The following ZNF254 variants were observed in gnomAD, a reference collection of about 807,000 sequenced individuals.
The protein encoded by ZNF254 is zinc finger protein 254, also known as CTD-2017D11.1.
Under a neutral mutation model 12.4 loss-of-function variants are expected in ZNF254, and 10 were observed. The observed-to-expected ratio is 0.80, with a 90% CI of 0.50 to 1.36. The LOEUF (loss-of-function observed/expected upper bound fraction) is 1.36, where lower values mean the gene tolerates loss of function less well. Among genes scored for constraint, ZNF254 ranks in the 40% most tolerant of loss-of-function variants. The pLI, the probability that ZNF254 is intolerant of heterozygous loss-of-function variation, is 0.00. For synonymous variants in ZNF254, 305 were observed against 253.4 expected (o/e 1.20, Z -1.93); for missense variants, 996 against 763.9 (o/e 1.30, Z -3.58).
At chr19:24,059,628 A>G (rs2145393536) in intron 2 of ZNF254, among the ~76,000 whole-genome samples, 1 of 10,824 alleles carries the variant, frequency 9.2e-5, no homozygotes, top group Non-Finnish European at 1.7e-4. Context: ...TGCATACATT[A>G]TGTATTTTGG....
chr19:24,078,423 AT>A (rs1265146539), intron 2 of ZNF254: 1 of 152,226 alleles, frequency 6.6e-6, no homozygotes, highest in African/African-American at 2.4e-5. Context: ...TAGCTTATGC[AT>A]TTAAATATGA....
chr19:24,063,435 G>T (rs948351346), intron 2 of ZNF254, among the ~76,000 whole-genome samples: 3 of 152,200 alleles, frequency 2.0e-5, no homozygotes, highest in Admixed American at 2.0e-4. Context: ...CACCCAGGTG[G>T]TGTGAGTCGG....
intron 3 of ZNF254, among the ~76,000 whole-genome samples, chr19:24,119,873 T>G (rs1374073744): frequency 6.6e-6 from 1 of 152,104 alleles, no homozygotes; most frequent in Non-Finnish European, 1.5e-5. Context: ...GGTATGTTTT[T>G]TCTTATTTAC....
intron 1 of ZNF254, chr19:24,091,887 T>TC (rs1972406235): frequency 1.0e-6 from 1 of 975,284 alleles, no homozygotes; most frequent in African/African-American, 1.8e-5. Context: ...ATTAATTTTT[T>TC]TTTTTTTTTT....
At chr19:24,104,853 G>A (rs1167004851) in intron 1 of ZNF254, 1 of 152,060 alleles carries the variant, frequency 6.6e-6, no homozygotes, top group Non-Finnish European at 1.5e-5. Flanking sequence ...ACACAATTAA[G>A]AAAATACTCA....
At chr19:24,034,706 A>C (rs1265262280) in intron 1 of ZNF254, among the ~76,000 whole-genome samples, 1 of 151,810 alleles carries the variant, frequency 6.6e-6, no homozygotes, top group African/African-American at 2.4e-5. Flanking sequence ...CCAACTCTGG[A>C]CAAGAGGTAA....
At chr19:24,115,060 C>A (rs1973947308) in intron 3 of ZNF254, among the ~76,000 whole-genome samples, 1 of 152,336 alleles carries the variant, frequency 6.6e-6, no homozygotes, top group East Asian at 1.9e-4. Flanking sequence ...AATAGGAACA[C>A]TTTTACACTG....
intron 1 of ZNF254, chr19:24,091,781 C>T (rs1235856707): frequency 1.1e-6 from 1 of 941,104 alleles, no homozygotes; most frequent in Non-Finnish European, 1.3e-6. Context: ...GTGTGAGCCA[C>T]TGCGCCCAGC....
intron 3 of ZNF254, among the ~76,000 whole-genome samples, chr19:24,124,291 T>C (rs1240265002): frequency 2.6e-5 from 4 of 152,160 alleles, no homozygotes; most frequent in South Asian, 4.1e-4. Context: ...ATTATATCTT[T>C]TTATATTGTA....
intron 3 of ZNF254, among the ~76,000 whole-genome samples, chr19:24,112,623 CAT>C: frequency 6.6e-6 from 1 of 151,548 alleles, no homozygotes; most frequent in South Asian, 2.1e-4. Flanking sequence ...TCTTTTATTT[CAT>C]TGAGCAGTGG....
intron 1 of ZNF254, among the ~76,000 whole-genome samples, chr19:24,040,793 TA>T (rs578147972): frequency 4.7e-4 from 72 of 152,350 alleles, no homozygotes; most frequent in Non-Finnish European, 7.8e-4. Context: ...CTGTAAACTT[TA>T]AAAAGCTGGC....
chr19:24,120,834 G>GT (rs532090943), intron 3 of ZNF254, among the ~76,000 whole-genome samples: 408 of 151,238 alleles, frequency 2.7e-3, no homozygotes, highest in Middle Eastern at 0.014. Context: ...GGCTAATTTT[G>GT]TTTTTTTTGT....
intron 1 of ZNF254, among the ~76,000 whole-genome samples, chr19:24,090,966 T>C (rs1972339978): frequency 6.9e-6 from 1 of 145,374 alleles, no homozygotes; most frequent in Non-Finnish European, 1.5e-5. Flanking sequence ...TTTTTTTTTT[T>C]GAGACAGAGT....
At chr19:24,094,176 T>C (rs1333988519) in intron 1 of ZNF254, among the ~76,000 whole-genome samples, 5 of 152,216 alleles carry the variant, frequency 3.3e-5, no homozygotes, top group Admixed American at 3.3e-4. Flanking sequence ...CTATGAAGAC[T>C]ATATGGTTTT....
intron 1 of ZNF254, among the ~76,000 whole-genome samples, chr19:24,093,440 G>A (rs1346728177): frequency 6.6e-6 from 1 of 152,060 alleles, no homozygotes; most frequent in Non-Finnish European, 1.5e-5. Flanking sequence ...AAACATTTCA[G>A]TCTTTAATCT....
In ZNF254 at chr19:24,127,897, G is replaced by GA. The variant is rs778717771; in HGVS notation, c.1902dup (p.Phe635IlefsTer6). Reference sequence around the variant, plus strand: ...TACTGGAGAGCAACCCTACAAATGGGAAAAATTTGGCAAAGCCTTTAATCG... The same window carrying GA: ...TACTGGAGAGCAACCCTACAAATGGGAAAAAATTTGGCAAAGCCTTTAATCG... On this transcript the variant is annotated frameshift_variant, in exon 4 of 4. Transcript: ENST00000357002. LOFTEE classifies it low-confidence loss of function (END_TRUNC). 6.2e-6 allele frequency: 10 copies of GA among 1,611,826 alleles called. No homozygotes were observed. The South Asian group carries it at 1.1e-4, about 18-fold the overall frequency.
At chr19:24,100,240 A>T (rs539102640) in intron 1 of ZNF254, among the ~76,000 whole-genome samples, 20 of 151,872 alleles carry the variant, frequency 1.3e-4, no homozygotes, top group African/African-American at 4.8e-4. Flanking sequence ...AACAGTGTGC[A>T]TTGAGTAGAC....
intron 1 of ZNF254, among the ~76,000 whole-genome samples, chr19:24,037,456 C>T (rs1246021500): frequency 1.3e-5 from 2 of 152,116 alleles, no homozygotes; most frequent in African/African-American, 4.8e-5. Context: ...TTTTTTGAGA[C>T]TGAGTCTTGC....
chr19:24,037,502 C>G (rs771045191), intron 1 of ZNF254, among the ~76,000 whole-genome samples: 1 of 152,196 alleles, frequency 6.6e-6, no homozygotes, highest in Non-Finnish European at 1.5e-5. Flanking sequence ...GGCACAATCT[C>G]GGCTTACTGC....
Sources: allele counts gnomAD v4.1 joint callset (sites outside exome capture counted in the v4.1 genomes callset), GRCh38; gene constraint gnomAD v4.1.1; transcripts MANE v1.5; gene names NCBI Gene and HGNC (gene_info 2026-07-23, HGNC 2026-07-21).